The following ZFPM2 variants were observed in gnomAD, a reference collection of about 807,000 sequenced individuals.
The protein encoded by ZFPM2 is zinc finger protein ZFPM2.
Under a neutral mutation model 98.6 loss-of-function variants are expected in ZFPM2, and 20 were observed. The ratio of observed to expected loss-of-function variants is 0.20; its 90% CI spans 0.14 to 0.29. The LOEUF (loss-of-function observed/expected upper bound fraction) is 0.29, where lower values mean the gene tolerates loss of function less well. Ranked by LOEUF, ZFPM2 falls within the 10% of genes least tolerant of loss-of-function variation. The pLI, the probability that ZFPM2 is intolerant of heterozygous loss-of-function variation, is 1.00. For missense variants in ZFPM2, 1,310 were observed against 1,388.6 expected, an observed-to-expected ratio of 0.94 and a Z score of 0.90; for synonymous variants, 518 against 502.7, an observed-to-expected ratio of 1.03 and a Z score of -0.41.
intron 3 of ZFPM2, among the ~76,000 whole-genome samples, chr8:105,516,894 C>T (rs1813934193): frequency 1.3e-5 from 2 of 152,114 alleles, no homozygotes; most frequent in Admixed American, 6.6e-5. Context: ...AAGTGAGGTC[C>T]CACAATTAGC....
In ZFPM2 at chr8:105,801,158, C is replaced by G; in HGVS notation, c.1076C>G (p.Thr359Ser). The change falls in exon 8 of 8, where the codon ACT becomes AGT. Residue 359 changes from threonine to serine, a missense_variant. By Grantham distance (58) the Thr-to-Ser change is moderately conservative (BLOSUM62 1). Coordinates refer to ENST00000407775, the MANE Select transcript of ZFPM2 (RefSeq NM_012082.4). ...CACCAACACCTGTTCTCCCATCTCA[C>G]TCAAGCTGCCTTCCGATGTAATCAC... ...NFHQHLFSHL[T>S]QAAFRCNHCH... is the part of the protein sequence containing the mutation. The G allele has an allele frequency of 6.2e-7, 1 of 1,613,976 alleles. No homozygotes were observed. Among genetic ancestry groups the G allele is most frequent in the Non-Finnish European group, 8.5e-7 (1 of 1,179,880 alleles).
chr8:105,467,255 A>C (rs79683011), intron 3 of ZFPM2, among the ~76,000 whole-genome samples: 4,300 of 152,208 alleles, frequency 0.028, 191 homozygotes, highest in African/African-American at 0.097. Context: ...ATTTAGGAAT[A>C]TTAAAATGAG....
chr8:105,407,767 C>T (rs2130018062), intron 1 of ZFPM2, among the ~76,000 whole-genome samples: 1 of 152,008 alleles, frequency 6.6e-6, no homozygotes, highest in South Asian at 2.1e-4. Flanking sequence ...AACTTTTCCC[C>T]TTCAACAGAT....
chr8:105,422,047 CAAAAAAAA>C lies in ZFPM2; in HGVS notation c.199+2760_199+2767del, dbSNP rs747630701. On this transcript the variant is annotated intron_variant, in intron 2 of 7. Transcript: ENST00000407775. ...GTGCGACGGGAGCGAGACTCCATCT[CAAAAAAAA>C]AAAAAAAAAAAAAAGGTAGAAGTAT... Among the ~76,000 whole-genome samples the C allele has an allele frequency of 1.2e-4, 6 of 51,580 alleles. 1 individual carries two copies. The highest frequency in any genetic ancestry group is 3.1e-4 in the African/African-American group (5 of 16,198). 33.8% of individuals were successfully genotyped at this position (51,580 alleles called of 152,430 possible).
At chr8:105,535,491 T>C (rs1046618645) in intron 3 of ZFPM2, among the ~76,000 whole-genome samples, 1 of 152,192 alleles carries the variant, frequency 6.6e-6, no homozygotes, top group African/African-American at 2.4e-5. Flanking sequence ...ATGTAGTCCA[T>C]CATATAAATT....
At position 105,572,820 on chromosome 8, in the gene ZFPM2, A is replaced by C. The variant is rs142996058; in HGVS notation, c.420+11339A>C. 1.3e-3 allele frequency among the ~76,000 whole-genome samples: 202 copies of C among 151,876 alleles called. 2 individuals are homozygous for C. Among genetic ancestry groups the C allele is most frequent in the African/African-American group, 4.8e-3 (197 of 41,402 alleles). On this transcript the variant is annotated intron_variant, in intron 4 of 7. Transcript: ENST00000407775. Reference sequence around the variant, plus strand: ...ACTCTTACTTCAATTTTCTCATAAAACCCCTTGTCCCAGCTTGACAAAACT... The same window carrying C: ...ACTCTTACTTCAATTTTCTCATAAACCCCCTTGTCCCAGCTTGACAAAACT...
At chr8:105,781,808 T>C (rs1439621402) in intron 5 of ZFPM2, among the ~76,000 whole-genome samples, 1 of 152,192 alleles carries the variant, frequency 6.6e-6, no homozygotes, top group Admixed American at 6.6e-5. Context: ...TTAAAAACTC[T>C]ATCTAATAAC....
chr8:105,783,809 T>A (rs1045590253), intron 5 of ZFPM2, among the ~76,000 whole-genome samples: 7 of 152,274 alleles, frequency 4.6e-5, no homozygotes, highest in Admixed American at 6.5e-5. Context: ...ATGGGTTGTT[T>A]CCATGTTTTA....
chr8:105,592,180 G>A (rs2130766647), intron 4 of ZFPM2, among the ~76,000 whole-genome samples: 1 of 152,134 alleles, frequency 6.6e-6, no homozygotes, highest in East Asian at 1.9e-4. Flanking sequence ...CTATCAAAAG[G>A]TCAGGAGGCT....
At chr8:105,525,399 G>T (rs1232049469) in intron 3 of ZFPM2, among the ~76,000 whole-genome samples, 2 of 152,188 alleles carry the variant, frequency 1.3e-5, no homozygotes, top group Non-Finnish European at 2.9e-5. Context: ...ATAAAGGTGA[G>T]GGGGCTATTC....
intron 3 of ZFPM2, among the ~76,000 whole-genome samples, chr8:105,552,565 C>G (rs139545671): frequency 1.1e-3 from 166 of 152,266 alleles, no homozygotes; most frequent in African/African-American, 3.6e-3. Context: ...CACAGCTCCA[C>G]CTTCTAATGA....
intron 4 of ZFPM2, among the ~76,000 whole-genome samples, chr8:105,623,396 A>T (rs1031975418): frequency 3.3e-5 from 5 of 152,236 alleles, no homozygotes; most frequent in African/African-American, 4.8e-5. Context: ...TAAGTTCGAG[A>T]TATAAGCAAG....
chr8:105,605,125 A>T (rs1473431860), intron 4 of ZFPM2, among the ~76,000 whole-genome samples: 1 of 152,128 alleles, frequency 6.6e-6, no homozygotes, highest in East Asian at 1.9e-4. Flanking sequence ...GTTTAAAAAC[A>T]TTAAAAATGT....
intron 4 of ZFPM2, among the ~76,000 whole-genome samples, chr8:105,624,485 A>G (rs1193030509): frequency 2.0e-5 from 3 of 152,300 alleles, no homozygotes; most frequent in East Asian, 1.9e-4. Context: ...AAATGAGTCT[A>G]TTCTTTCTGG....
chr8:105,509,628 A>T (rs941745491), intron 3 of ZFPM2, among the ~76,000 whole-genome samples: 2 of 152,142 alleles, frequency 1.3e-5, no homozygotes, highest in African/African-American at 4.8e-5. Context: ...ATAGTTGAGG[A>T]GTCAATAAAT....
At chr8:105,724,233 A>G (rs1811747168) in intron 5 of ZFPM2, among the ~76,000 whole-genome samples, 1 of 151,912 alleles carries the variant, frequency 6.6e-6, no homozygotes, top group Non-Finnish European at 1.5e-5. Flanking sequence ...GCCTGCTGGC[A>G]TAGTTGCAGC....
chr8:105,578,086 C>A (rs565749462), intron 4 of ZFPM2, among the ~76,000 whole-genome samples: 1 of 152,114 alleles, frequency 6.6e-6, no homozygotes, highest in African/African-American at 2.4e-5. Flanking sequence ...TGTCACAAAT[C>A]CTACATACCA....
At chr8:105,613,819 AT>A (rs1381164042) in intron 4 of ZFPM2, among the ~76,000 whole-genome samples, 1 of 152,132 alleles carries the variant, frequency 6.6e-6, no homozygotes, top group Non-Finnish European at 1.5e-5. Flanking sequence ...ATATCAAATC[AT>A]TTTGCCCCCC....
intron 3 of ZFPM2, among the ~76,000 whole-genome samples, chr8:105,480,178 T>C (rs1813086996): frequency 6.6e-6 from 1 of 152,214 alleles, no homozygotes; most frequent in Non-Finnish European, 1.5e-5. Context: ...TTCTGCTTCA[T>C]GGTTCACAGG....
Sources: allele counts gnomAD v4.1 joint callset (sites outside exome capture counted in the v4.1 genomes callset), GRCh38; gene constraint gnomAD v4.1.1; transcripts MANE v1.5; gene names NCBI Gene and HGNC (gene_info 2026-07-23, HGNC 2026-07-21).